COMMD10: variants seen among roughly 807,000 people sequenced by gnomAD.
COMMD10 encodes the protein COMM domain-containing protein 10.
COMMD10 carries 33 observed loss-of-function variants against 28.9 expected under a neutral mutation model. That is an observed-to-expected ratio of 1.14 (90% CI 0.87 to 1.53). The LOEUF is 1.53. Ranked by LOEUF, COMMD10 falls within the 40% of genes most tolerant of loss-of-function variation. The probability of loss-of-function intolerance (pLI) is 0.00; values close to 1 mark genes in which losing one functional copy is unlikely to be tolerated. For missense variants in COMMD10, 310 were observed against 233.4 expected (o/e 1.33, Z -2.14); for synonymous variants, 110 against 81.7 (o/e 1.35, Z -1.87).
chr5:116,176,991 T>A (rs1241991678), intron 5 of COMMD10, among the ~76,000 whole-genome samples: 5 of 152,180 alleles, frequency 3.3e-5, no homozygotes, highest in African/African-American at 1.2e-4. Flanking sequence ...AGGTACAATC[T>A]GCTAAGGCCA....
At chr5:116,224,039 A>G (rs1749330006) in intron 5 of COMMD10, among the ~76,000 whole-genome samples, 1 of 152,204 alleles carries the variant, frequency 6.6e-6, no homozygotes, top group African/African-American at 2.4e-5. Flanking sequence ...TTTTTTAAGA[A>G]CAAAGCTTCC....
chr5:116,130,158 T>A (rs889375668), intron 4 of COMMD10, among the ~76,000 whole-genome samples: 4 of 151,882 alleles, frequency 2.6e-5, no homozygotes, highest in Non-Finnish European at 5.9e-5. Flanking sequence ...TGCATACTCT[T>A]TAATTTATTT....
chr5:116,126,823 T>C (rs1397389319), intron 4 of COMMD10, among the ~76,000 whole-genome samples: 4 of 152,118 alleles, frequency 2.6e-5, no homozygotes, highest in Admixed American at 1.3e-4. Context: ...ATAAAAACCC[T>C]AGGAGGAAAC....
intron 5 of COMMD10, among the ~76,000 whole-genome samples, chr5:116,163,642 A>G (rs903054941): frequency 2.0e-5 from 3 of 152,220 alleles, no homozygotes; most frequent in East Asian, 3.9e-4. Context: ...CAAGGAAACT[A>G]TCTTGATGAT....
At chr5:116,250,793 G>C (rs1157447490) in intron 5 of COMMD10, among the ~76,000 whole-genome samples, 2 of 151,920 alleles carry the variant, frequency 1.3e-5, no homozygotes, top group Admixed American at 1.3e-4. Context: ...CAAAACAGGA[G>C]ACTCAATTAA....
intron 5 of COMMD10, among the ~76,000 whole-genome samples, chr5:116,137,754 T>G (rs1371723702): frequency 3.3e-5 from 5 of 151,990 alleles, no homozygotes; most frequent in Admixed American, 6.6e-5. Context: ...TTGACTGTGG[T>G]CTCCTTTCTT....
chr5:116,152,916 A>G (rs938307846), intron 5 of COMMD10, among the ~76,000 whole-genome samples: 4 of 152,158 alleles, frequency 2.6e-5, no homozygotes, highest in African/African-American at 9.7e-5. Flanking sequence ...AGATGAGTAC[A>G]ATAATTTATA....
rs13154118 is a variant in COMMD10 at position 116,212,522 on chromosome 5, G to A, written c.510+78344G>A. On this transcript the variant is annotated intron_variant, in intron 5 of 6. Transcript: ENST00000274458. Reference sequence around the variant, plus strand: ...TGTGTGTGTGTGTGTGTGTGTGTGTGTAGAATGTGAGGGGGGTTGGATAGG... The same window carrying A: ...TGTGTGTGTGTGTGTGTGTGTGTGTATAGAATGTGAGGGGGGTTGGATAGG... Among the ~76,000 whole-genome samples, 99 of 132,022 alleles carry A rather than the reference G, an allele frequency of 7.5e-4. 5 individuals are homozygous for A. The highest frequency in any genetic ancestry group is 8.3e-3 in the Middle Eastern group (2 of 242). 86.6% of individuals were successfully genotyped at this position (132,022 alleles called of 152,430 possible).
intron 2 of COMMD10, among the ~76,000 whole-genome samples, chr5:116,089,735 T>C (rs746553431): frequency 6.6e-6 from 1 of 152,214 alleles, no homozygotes; most frequent in Non-Finnish European, 1.5e-5. Flanking sequence ...TTACCCGTCC[T>C]GCTGGCATTT....
chr5:116,277,085 G>A lies in COMMD10; in HGVS notation c.511-14432G>A, dbSNP rs143815613. Among the ~76,000 whole-genome samples, 289 of 151,666 alleles carry A rather than the reference G, an allele frequency of 1.9e-3. 7 individuals carry two copies. The highest frequency in any genetic ancestry group is 6.8e-3 in the African/African-American group (282 of 41,188). ...AAAAATATAAGTTAAATTCTCCAGT[G>A]TTGTTATTTTCACTAAGTTATGAAA... On this transcript the variant is annotated intron_variant, in intron 5 of 6. Coordinates refer to ENST00000274458, the MANE Select transcript of COMMD10 (RefSeq NM_016144.4).
chr5:116,171,526 C>A (rs866334826), intron 5 of COMMD10, among the ~76,000 whole-genome samples: 1 of 152,172 alleles, frequency 6.6e-6, no homozygotes, highest in Non-Finnish European at 1.5e-5. Context: ...GACACATGCA[C>A]GTGTATGTTT....
chr5:116,263,764 C>G (rs1323304275), intron 5 of COMMD10, among the ~76,000 whole-genome samples: 1 of 151,770 alleles, frequency 6.6e-6, no homozygotes, highest in Admixed American at 6.6e-5. Flanking sequence ...CGCGCCCCTA[C>G]TTTTTGTTCT....
intron 5 of COMMD10, among the ~76,000 whole-genome samples, chr5:116,230,859 T>C (rs1161564833): frequency 6.6e-6 from 1 of 152,104 alleles, no homozygotes; most frequent in Admixed American, 6.6e-5. Flanking sequence ...AATACGTGTG[T>C]GTGTGTAGAC....
intron 5 of COMMD10, among the ~76,000 whole-genome samples, chr5:116,147,956 C>A (rs10478283): frequency 0.82 from 124,452 of 151,728 alleles, 51,204 homozygotes; most frequent in African/African-American, 0.84. Context: ...ATTGTCAGTA[C>A]ATGAGCTTCT....
At chr5:116,131,481 C>G (rs1192634758) in intron 4 of COMMD10, among the ~76,000 whole-genome samples, 1 of 151,866 alleles carries the variant, frequency 6.6e-6, no homozygotes. Flanking sequence ...GCAGTCCTGC[C>G]TCCTACCAAA....
rs867109473 is a variant in COMMD10 at position 116,129,467 on chromosome 5, T to C, written c.400-4601T>C. On this transcript the variant is annotated intron_variant, in intron 4 of 6. Transcript: ENST00000274458. ...AATGTAATATACATTAGTATATATA[T>C]ACTATATACTAATGTAATATACATT... Among the ~76,000 whole-genome samples the C allele has an allele frequency of 5.2e-4, 7 of 13,564 alleles. 1 individual carries two copies. The East Asian group carries it at 6.8e-3, about 13-fold the overall frequency. 8.9% of individuals were successfully genotyped at this position (13,564 alleles called of 152,430 possible).
intron 4 of COMMD10, among the ~76,000 whole-genome samples, chr5:116,099,336 A>G (rs979651425): frequency 3.3e-5 from 5 of 151,220 alleles, no homozygotes; most frequent in Admixed American, 6.6e-5. Flanking sequence ...TCCATTCATT[A>G]TCTGTTCATT....
intron 5 of COMMD10, among the ~76,000 whole-genome samples, chr5:116,238,363 T>G (rs1329302126): frequency 1.3e-5 from 2 of 152,214 alleles, no homozygotes; most frequent in African/African-American, 4.8e-5. Context: ...TGAATGAACT[T>G]AAATTGGGCA....
At chr5:116,124,472 G>C (rs1326970886) in intron 4 of COMMD10, among the ~76,000 whole-genome samples, 2 of 152,168 alleles carry the variant, frequency 1.3e-5, no homozygotes, top group Non-Finnish European at 2.9e-5. Flanking sequence ...ATTGGCTGAG[G>C]AGTGCTTTAC....
Sources: gnomAD v4.1 joint callset for allele counts (sites outside exome capture counted in the v4.1 genomes callset) on GRCh38, gnomAD v4.1.1 for gene constraint, MANE v1.5 for transcripts, NCBI Gene and HGNC (gene_info 2026-07-23, HGNC 2026-07-21) for gene names.